Variants in COMMD1 observed in about 807,000 individuals in gnomAD.
COMMD1 encodes the protein copper metabolism domain containing 1.
In COMMD1, 10 loss-of-function variants were observed where a neutral mutation model predicts 17.2. The observed-to-expected ratio is 0.58, with a 90% CI of 0.36 to 0.99. The LOEUF (loss-of-function observed/expected upper bound fraction) is 0.99. Ranked by LOEUF, COMMD1 falls within the 50% of genes least tolerant of loss-of-function variation. The pLI is 0.01. For missense variants in COMMD1, 270 were observed against 231.8 expected, an observed-to-expected ratio of 1.17 and a Z score of -1.07; for synonymous variants, 97 against 91.6, an observed-to-expected ratio of 1.06 and a Z score of -0.34.
intron 1 of COMMD1, among the ~76,000 whole-genome samples, chr2:61,988,737 G>A (rs960336091): frequency 6.6e-6 from 1 of 152,128 alleles, no homozygotes. Context: ...AGACTTTCCT[G>A]TAAGTTTCAG....
At chr2:61,894,193 A>G (rs1203830321) in intron 1 of COMMD1, among the ~76,000 whole-genome samples, 2 of 152,164 alleles carry the variant, frequency 1.3e-5, no homozygotes, top group Non-Finnish European at 2.9e-5. Context: ...TCTGCCTTCC[A>G]GGTTAAATGG....
chr2:62,108,740 A>G (rs1434935326), intron 2 of COMMD1, among the ~76,000 whole-genome samples: 6 of 152,202 alleles, frequency 3.9e-5, no homozygotes, highest in Non-Finnish European at 5.9e-5. Flanking sequence ...AAAAAAAATC[A>G]TTCTGCGAAG....
At chr2:61,974,292 G>A (rs548407317) in intron 1 of COMMD1, among the ~76,000 whole-genome samples, 220 of 151,758 alleles carry the variant, frequency 1.4e-3, no homozygotes, top group African/African-American at 5.1e-3. Context: ...GAAAAAAGAA[G>A]TTTATATGAT....
At chr2:61,964,822 G>A (rs1671465136) in intron 1 of COMMD1, among the ~76,000 whole-genome samples, 1 of 152,124 alleles carries the variant, frequency 6.6e-6, no homozygotes, top group Admixed American at 6.6e-5. Context: ...GCAGTAAGCT[G>A]GGATCATGCC....
intron 2 of COMMD1, among the ~76,000 whole-genome samples, chr2:62,048,332 G>A (rs1003033611): frequency 7.2e-5 from 11 of 151,988 alleles, no homozygotes; most frequent in African/African-American, 2.4e-4. Context: ...ATAGGCGCCC[G>A]CCACCACACC....
upstream of COMMD1, chr2:61,905,653 G>A (rs777836383): frequency 1.6e-5 from 25 of 1,524,100 alleles, no homozygotes; most frequent in Non-Finnish European, 1.8e-5. Flanking sequence ...CGGCTCAGCT[G>A]TTGCGGGGCG....
intron 1 of COMMD1, among the ~76,000 whole-genome samples, chr2:61,995,098 A>AAT (rs71410910): frequency 2.0e-5 from 3 of 151,808 alleles, no homozygotes; most frequent in African/African-American, 7.2e-5. Flanking sequence ...TCAGCTTAAA[A>AAT]TTTTTTTTTC....
At chr2:61,985,292 C>T (rs552831576) in intron 1 of COMMD1, among the ~76,000 whole-genome samples, 66 of 152,234 alleles carry the variant, frequency 4.3e-4, no homozygotes, top group Admixed American at 3.9e-4. Flanking sequence ...CCTGGTGATC[C>T]GCCCGCCTTG....
At chr2:61,904,143 T>C (rs1669717638), upstream of COMMD1, among the ~76,000 whole-genome samples, 1 of 151,960 alleles carries the variant, frequency 6.6e-6, no homozygotes, top group Admixed American at 6.6e-5. Context: ...CCCGAGTAGC[T>C]GGGACTACAG....
intron 2 of COMMD1, among the ~76,000 whole-genome samples, chr2:62,115,848 C>G (rs1184929041): frequency 1.7e-4 from 18 of 103,698 alleles, no homozygotes; most frequent in Non-Finnish European, 3.1e-4. Context: ...TTCTTTCTTT[C>G]TTTCTTTCTT....
At chr2:62,102,021 C>T (rs1268749409) in intron 2 of COMMD1, among the ~76,000 whole-genome samples, 1 of 152,168 alleles carries the variant, frequency 6.6e-6, no homozygotes, top group East Asian at 1.9e-4. Flanking sequence ...CTACCAGCCC[C>T]ATCTTGAAGC....
chr2:62,098,307 C>T (rs569710693), intron 2 of COMMD1, among the ~76,000 whole-genome samples: 2 of 151,724 alleles, frequency 1.3e-5, no homozygotes, highest in African/African-American at 2.4e-5. Context: ...TACAGGCATG[C>T]GCCACCACAC....
chr2:62,069,164 T>C (rs1261560200), intron 2 of COMMD1, among the ~76,000 whole-genome samples: 2 of 151,368 alleles, frequency 1.3e-5, no homozygotes, highest in African/African-American at 4.9e-5. Flanking sequence ...TTATTTTGGC[T>C]TTTTTTTTGT....
Position 62,135,856 on chromosome 2 carries a change from T to C in COMMD1, c.488T>C (p.Phe163Ser). 1 of 1,581,228 alleles carries C rather than the reference T, an allele frequency of 6.3e-7. No individual in the cohort carries two copies. Among genetic ancestry groups the C allele is most frequent in the East Asian group, 2.2e-5 (1 of 44,760 alleles). The change falls in exon 3 of 3, where the codon TTT becomes TCT. Residue 163 changes from phenylalanine (F) to serine (S), a missense_variant. Physicochemically the swap from Phe to Ser is radical, Grantham distance 155. Transcript: ENST00000311832. ...GAATCTGAATTTCTGTGTTTGGAAT[T>C]TGATGAGGTCAAAGTCAACCAAATT... Reference protein sequence around the residue: ...GQESEFLCLEFDEVKVNQILK... With the variant: ...GQESEFLCLESDEVKVNQILK...
intron 2 of COMMD1, among the ~76,000 whole-genome samples, chr2:62,099,341 G>C (rs980300089): frequency 6.6e-6 from 1 of 151,960 alleles, no homozygotes; most frequent in Non-Finnish European, 1.5e-5. Flanking sequence ...TCTTTGATTC[G>C]GGAGCCTCAG....
chr2:61,914,632 T>C (rs1166139621), intron 1 of COMMD1, among the ~76,000 whole-genome samples: 1 of 152,050 alleles, frequency 6.6e-6, no homozygotes, highest in Non-Finnish European at 1.5e-5. Context: ...TAAGAAATAA[T>C]TGTGGTTGGG....
chr2:62,039,838 G>T (rs557039940), intron 2 of COMMD1, among the ~76,000 whole-genome samples: 1 of 152,316 alleles, frequency 6.6e-6, no homozygotes, highest in East Asian at 1.9e-4. Flanking sequence ...TAGGAACTAT[G>T]AAACCTAACT....
rs1157008064 is a variant in COMMD1 at position 62,056,301 on chromosome 2, T to C, written c.462+55319T>C. The stretch of plus-strand genomic sequence containing the variant: ...ATGTTCACACAGCTCTGTGAGGAGA[T>C]AGATGCAGAGCACACACATCTTCTC... On this transcript the variant is annotated intron_variant, in intron 2 of 2. Transcript: ENST00000311832. Among the ~76,000 whole-genome samples the C allele has an allele frequency of 2.0e-5, 3 of 152,192 alleles. No homozygotes were observed. In the East Asian group the frequency reaches 5.8e-4, roughly 29 times the overall value.
At position 62,061,558 on chromosome 2, in the gene COMMD1, T is replaced by C. The variant is rs866526340; in HGVS notation, c.462+60576T>C. Among the ~76,000 whole-genome samples the C allele has an allele frequency of 1.0e-3, 148 of 147,696 alleles. No individual in the cohort carries two copies. In the Middle Eastern group the frequency reaches 0.017, roughly 17 times the overall value. On this transcript the variant is annotated intron_variant, in intron 2 of 2. Transcript: ENST00000311832. ...GTGGCTGTCTTTCTTTCTTTTCTTT[T>C]TTTTTTTTTTTTTTTGAGACGGAAT...
Sources: allele counts gnomAD v4.1 joint callset (sites outside exome capture counted in the v4.1 genomes callset), GRCh38; gene constraint gnomAD v4.1.1; transcripts MANE v1.5; gene names NCBI Gene and HGNC (gene_info 2026-07-23, HGNC 2026-07-21).